The following SAP130 variants were observed in gnomAD, a reference collection of about 807,000 sequenced individuals.
SAP130 encodes the protein histone deacetylase complex subunit SAP130.
SAP130 carries 16 observed loss-of-function variants against 103.2 expected under a neutral mutation model. That is an observed-to-expected ratio of 0.16 (90% CI 0.10 to 0.24). The LOEUF is 0.24. Ranked by LOEUF, SAP130 falls within the 10% of genes least tolerant of loss-of-function variation. The pLI is 1.00. For missense variants in SAP130, 990 were observed against 1,359.7 expected, an observed-to-expected ratio of 0.73 and a Z score of 4.28; for synonymous variants, 477 against 497.0, an observed-to-expected ratio of 0.96 and a Z score of 0.53.
chr2:127,984,917 T>A (rs1303007389), intron 14 of SAP130, among the ~76,000 whole-genome samples: 1 of 152,250 alleles, frequency 6.6e-6, no homozygotes, highest in Non-Finnish European at 1.5e-5. Flanking sequence ...TCAAAGGTTT[T>A]AACTTATCCT....
chr2:127,976,510 G>A (rs1681467519), intron 15 of SAP130, among the ~76,000 whole-genome samples: 2 of 152,074 alleles, frequency 1.3e-5, no homozygotes, highest in African/African-American at 4.8e-5. Context: ...TCTCAAATGC[G>A]GTTTTATGAA....
chr2:127,950,413 C>A lies in SAP130; in HGVS notation c.2423-5G>T. On this transcript the variant is annotated splice_region_variant and splice_polypyrimidine_tract_variant and intron_variant, in intron 16 of 20. Coordinates refer to ENST00000643581, the MANE Select transcript of SAP130 (RefSeq NM_001330301.2). ...TGGTAGCCAGTGGAGGAACTGCTGT[C>A]ATAGGAAAAGGAGCACACATATCTG... 6.2e-7 allele frequency: 1 copy of A among 1,613,966 alleles called. No individual in the cohort carries two copies. The highest frequency in any genetic ancestry group is 1.1e-5 in the South Asian group (1 of 90,998).
intron 12 of SAP130, among the ~76,000 whole-genome samples, chr2:127,990,637 G>A (rs1302044865): frequency 6.6e-6 from 1 of 152,110 alleles, no homozygotes; most frequent in Admixed American, 6.5e-5. Flanking sequence ...TTTGCCAGTG[G>A]CTACAATAAA....
chr2:127,993,371 C>G (rs578237956), intron 11 of SAP130, 63 bp from the exon 12 acceptor site: 2 of 1,514,948 alleles, frequency 1.3e-6, no homozygotes, highest in East Asian at 4.7e-5. Context: ...TCAAATGATC[C>G]TATACCCCAG....
intron 1 of SAP130, chr2:128,027,360 G>A (rs1392642646): frequency 1.7e-6 from 2 of 1,148,878 alleles, no homozygotes; most frequent in East Asian, 4.3e-5. Context: ...GTCAGTGGAG[G>A]CCCAGGACCA....
chr2:128,011,117 T>C (rs912190061), intron 6 of SAP130, among the ~76,000 whole-genome samples: 1 of 152,096 alleles, frequency 6.6e-6, no homozygotes, highest in South Asian at 2.1e-4. Flanking sequence ...CATTTTACGC[T>C]GCCATCCAAC....
chr2:128,012,918 C>T, intron 6 of SAP130, 112 bp downstream of exon 6: 1 of 1,068,916 alleles, frequency 9.4e-7, no homozygotes, highest in Non-Finnish European at 1.3e-6. Context: ...TTTCAAACTT[C>T]CCTATGTCTT....
rs1679759662 is a variant in SAP130 at position 127,955,274 on chromosome 2, T to G, written c.2134A>C (p.Asn712His). 1.2e-6 allele frequency: 2 copies of G among 1,613,698 alleles called. No homozygotes were observed. Among genetic ancestry groups the G allele is most frequent in the East Asian group, 4.5e-5 (2 of 44,870 alleles). ...PVTVSMETVS[N>H]QNNDQPTIAV... ...ATGGTAGGCTGATCATTATTTTGAT[T>G]GGATACAGTCTCCATGGACACAGTG... Residue 712 changes from asparagine (N) to histidine (H), a missense_variant, in exon 16 of 21, where the codon AAT (asparagine) becomes CAT (histidine). Coordinates refer to ENST00000643581, the MANE Select transcript of SAP130 (RefSeq NM_001330301.2). The surrounding 1 kb of genome is among the most constrained non-coding windows in gnomAD (Gnocchi z 4.9).
In SAP130 at chr2:128,016,457, T is replaced by C. The variant is rs1465285479; in HGVS notation, c.439A>G (p.Thr147Ala). The C allele has an allele frequency of 6.2e-7, 1 of 1,613,888 alleles. No individual in the cohort carries two copies. Among genetic ancestry groups the C allele is most frequent in the African/African-American group, 1.3e-5 (1 of 74,878 alleles). The change falls in exon 4 of 21, where the codon ACC becomes GCC. Residue 147 changes from threonine (T) to alanine (A), a missense_variant. By Grantham distance (58) the Thr-to-Ala change is moderately conservative. Transcript: ENST00000643581. ...SLPPKVPGQV[T>A]VTMESSIPQA... ...GGGATGCTACTCTCCATGGTAACGGTAACCTGCCCTGGAACCTTGGGGGGA... is the reference window on the plus strand; with the variant it reads ...GGGATGCTACTCTCCATGGTAACGGCAACCTGCCCTGGAACCTTGGGGGGA...
intron 15 of SAP130, among the ~76,000 whole-genome samples, chr2:127,974,516 T>C (rs1175091757): frequency 6.6e-6 from 1 of 152,168 alleles, no homozygotes; most frequent in Non-Finnish European, 1.5e-5. Context: ...AGTGGTCCCA[T>C]AAGATTATAA....
chr2:127,968,246 AT>A (rs1287578605), intron 15 of SAP130, among the ~76,000 whole-genome samples: 1 of 150,448 alleles, frequency 6.6e-6, no homozygotes, highest in Non-Finnish European at 1.5e-5. Context: ...GTAGCTGGGG[AT>A]TACAGGCGGC....
chr2:128,017,307 G>C (rs1277215855), intron 3 of SAP130, among the ~76,000 whole-genome samples: 1 of 152,072 alleles, frequency 6.6e-6, no homozygotes, highest in Non-Finnish European at 1.5e-5. Flanking sequence ...GGATGACAGA[G>C]AAAGACTCCG....
intron 14 of SAP130, among the ~76,000 whole-genome samples, chr2:127,979,199 G>C (rs191195339): frequency 5.3e-4 from 80 of 152,300 alleles, no homozygotes; most frequent in African/African-American, 1.9e-3. Flanking sequence ...GCAGAGATTG[G>C]GGTGCTGTGC....
chr2:127,951,654 T>C (rs1289960290), intron 16 of SAP130, among the ~76,000 whole-genome samples: 1 of 152,204 alleles, frequency 6.6e-6, no homozygotes, highest in Non-Finnish European at 1.5e-5. Context: ...CTTTTCTTGC[T>C]TTACTGTGCT....
In SAP130 at chr2:127,950,339, G is replaced by A. The variant is rs1390403394; in HGVS notation, c.2492C>T (p.Pro831Leu). Residue 831 changes from proline to leucine, a missense_variant, in exon 17 of 21, where the codon CCT becomes CTT. Around this residue, in one of 6 missense-constraint regions of SAP130, gnomAD observed 349 missense variants for 384.1 expected, o/e 0.91. Transcript: ENST00000643581. ...GGCACCAGGTGGTAGGTCACTTGTA[G>A]GCATGGACAAGTTGTTTGCCAGCAA... ...LALLANNLSM[P>L]TSDLPPGASP... The A allele has an allele frequency of 6.2e-7, 1 of 1,614,182 alleles. No individual in the cohort carries two copies. Among genetic ancestry groups the A allele is most frequent in the Admixed American group, 1.7e-5 (1 of 60,020 alleles).
chr2:128,000,541 T>C, intron 7 of SAP130, 87 bp from the exon 8 acceptor site: 15 of 1,495,608 alleles, frequency 1.0e-5, no homozygotes, highest in Non-Finnish European at 1.3e-5. Context: ...TACTTTTTCA[T>C]AGGTCTATGA....
chr2:127,955,011 T>A lies in SAP130; in HGVS notation c.2397A>T (p.Pro799=). The change falls in exon 16 of 21, where the codon CCA becomes CCT. Residue 799 remains proline (P), a synonymous_variant. Transcript: ENST00000643581. The surrounding 1 kb of genome is among the most constrained non-coding windows in gnomAD (Gnocchi z 4.9). ...PEIKVKEEVE[P]MDIMRPVSAV... The stretch of plus-strand genomic sequence containing the variant: ...CAGAAACTGGCCTCATGATATCCAT[T>A]GGTTCTACTTCTTCTTTCACTTTAA... 6.2e-7 allele frequency: 1 copy of A among 1,612,682 alleles called. No homozygotes were observed. The highest frequency in any genetic ancestry group is 8.5e-7 in the Non-Finnish European group (1 of 1,179,076).
intron 15 of SAP130, among the ~76,000 whole-genome samples, chr2:127,964,975 G>C (rs372775661): frequency 3.8e-4 from 54 of 142,188 alleles, no homozygotes; most frequent in African/African-American, 1.3e-3. Flanking sequence ...CTCCAGCCTG[G>C]GTGACAGAAT....
At chr2:127,965,803 A>AG (rs996411194) in intron 15 of SAP130, among the ~76,000 whole-genome samples, 1 of 151,850 alleles carries the variant, frequency 6.6e-6, no homozygotes, top group Non-Finnish European at 1.5e-5. Context: ...AGAGAGAGAG[A>AG]GAAAAAGAAA....
Sources: allele counts gnomAD v4.1 joint callset (sites outside exome capture counted in the v4.1 genomes callset), GRCh38; gene constraint gnomAD v4.1.1; regional missense constraint gnomAD v4.1.1; non-coding constraint Gnocchi (gnomAD v3.1); transcripts MANE v1.5; gene names NCBI Gene and HGNC (gene_info 2026-07-23, HGNC 2026-07-21).